FRS3: variants seen among roughly 807,000 people sequenced by gnomAD.
FRS3 encodes FGFR substrate 3.
FRS3 carries 17 observed loss-of-function variants against 41.9 expected under a neutral mutation model. The observed-to-expected ratio is 0.41, with a 90% confidence interval of 0.28 to 0.61. The LOEUF (loss-of-function observed/expected upper bound fraction) is 0.61, where lower values mean the gene tolerates loss of function less well. FRS3 is among the 20% of genes least tolerant of loss of function. The pLI is 0.36. For synonymous variants in FRS3, 287 were observed against 274.5 expected (o/e 1.05, Z -0.45); for missense variants, 619 against 672.1 (o/e 0.92, Z 0.87).
intron 1 of FRS3, among the ~76,000 whole-genome samples, chr6:41,778,951 T>C (rs1772466727): frequency 6.6e-6 from 1 of 152,140 alleles, no homozygotes; most frequent in African/African-American, 2.4e-5. Flanking sequence ...GGAGAAACAC[T>C]TCCCAGGGCC....
chr6:41,779,278 G>C (rs1030923295), intron 1 of FRS3, among the ~76,000 whole-genome samples: 2 of 151,980 alleles, frequency 1.3e-5, no homozygotes, highest in South Asian at 2.1e-4. Context: ...TCTGGTCTGG[G>C]ATAGGTATGG....
rs758518502 is a variant in FRS3, at chr6:41,771,237, G to A, written c.861C>T (p.Tyr287=). The A allele has an allele frequency of 2.5e-5, 40 of 1,590,948 alleles. No individual in the cohort carries two copies. Among genetic ancestry groups the A allele is most frequent in the South Asian group, 9.1e-5 (8 of 88,192 alleles). Reference sequence around the variant, plus strand: ...GCCACAGCCCCCCGGTGACGTTCTCGTAGGTGCACTTGGGCTGGGCTGGAC... The same window carrying A: ...GCCACAGCCCCCCGGTGACGTTCTCATAGGTGCACTTGGGCTGGGCTGGAC... The part of the protein sequence containing the change: ...SECPAQPKCT[Y]ENVTGGLWRG... The change falls in exon 7 of 7, where the codon TAC becomes TAT. Residue 287 remains tyrosine (Y), a synonymous_variant. Coordinates refer to ENST00000373018, the MANE Select transcript of FRS3 (RefSeq NM_006653.5).
chr6:41,779,630 G>A (rs1772487816), intron 1 of FRS3, among the ~76,000 whole-genome samples, 186 bp downstream of exon 1: 1 of 151,954 alleles, frequency 6.6e-6, no homozygotes, highest in Non-Finnish European at 1.5e-5. Flanking sequence ...CTACATGCCC[G>A]TAAGGAATGA....
At chr6:41,772,750 GT>G in intron 5 of FRS3, 47 bp downstream of exon 5, 1 of 1,268,198 alleles carries the variant, frequency 7.9e-7, no homozygotes, top group Non-Finnish European at 1.1e-6. Flanking sequence ...CTGGGCGTGT[GT>G]GTGTGTGTGT....
chr6:41,771,011 C>T lies in FRS3; in HGVS notation c.1087G>A (p.Gly363Ser). Residue 363 changes from glycine (G) to serine (S), a missense_variant, in exon 7 of 7, where the codon GGT (glycine) becomes AGT (serine). Gly to Ser is a moderately conservative substitution (Grantham distance 56, BLOSUM62 0). This residue lies in a region of FRS3 where 487 missense variants were observed against 478.3 expected (regional missense o/e 1.02). Coordinates refer to ENST00000373018, the MANE Select transcript of FRS3 (RefSeq NM_006653.5). The stretch of plus-strand genomic sequence containing the variant: ...TGCAGTGGGGTCTCGTCCTCCTCAC[C>T]ATCAGGGAAGCCATTGGAAGAGGGT... The part of the protein sequence containing the change: ...LTPSSNGFPD[G>S]EEDETPLQKP... 6.2e-7 allele frequency: 1 copy of T among 1,613,094 alleles called. No homozygotes were observed. The highest frequency in any genetic ancestry group is 8.5e-7 in the Non-Finnish European group (1 of 1,179,840).
rs778302302 is a variant in FRS3, at chr6:41,770,406, G to A, written c.*213C>T. 8.4e-6 allele frequency: 5 copies of A among 598,458 alleles called. No homozygotes were observed. Among genetic ancestry groups the A allele is most frequent in the South Asian group, 2.0e-5 (1 of 49,618 alleles). 37.1% of individuals were successfully genotyped at this position (598,458 alleles called of 1,614,324 possible). A position where few individuals can be genotyped will look rare whatever the true frequency, so the allele number is the denominator to read the frequency against. On this transcript the variant is annotated 3_prime_UTR_variant, in exon 7 of 7. Coordinates refer to ENST00000373018, the MANE Select transcript of FRS3 (RefSeq NM_006653.5). ...TGACGTCTCGGCTCCCTCCTCGCCT[G>A]GTCACCCTTCTCTCCCCAGCCTGGA...
At position 41,775,481 on chromosome 6, in the gene FRS3, C is replaced by T. The variant is rs1450903987; in HGVS notation, c.191G>A (p.Arg64His). ...AVRWPYLCLR[R>H]YGYDSNLFSF... ...GAAGAGGTTGGAGTCGTAGCCATAG[C>T]GCCGCAAGCAGAGATAAGGCCAGCG... The change falls in exon 4 of 7, where the codon CGC becomes CAC. Residue 64 changes from arginine to histidine, a missense_variant. By Grantham distance (29) the Arg-to-His change is conservative. Coordinates refer to ENST00000373018, the MANE Select transcript of FRS3 (RefSeq NM_006653.5). The T allele has an allele frequency of 3.1e-6, 5 of 1,613,820 alleles. No homozygotes were observed. Among genetic ancestry groups the T allele is most frequent in the Non-Finnish European group, 4.2e-6 (5 of 1,180,008 alleles).
At chr6:41,779,757 CGG>C (rs1461762501) in intron 1 of FRS3, 57 bp downstream of exon 1, 4 of 144,970 alleles carry the variant, frequency 2.8e-5, no homozygotes, top group African/African-American at 7.5e-5. Flanking sequence ...CGGCGCGGCG[CGG>C]CGCGGCGCGG....
intron 1 of FRS3, among the ~76,000 whole-genome samples, chr6:41,779,174 AT>A (rs1772473545): frequency 6.6e-6 from 1 of 152,030 alleles, no homozygotes; most frequent in African/African-American, 2.4e-5. Flanking sequence ...GAGGGGCTGA[AT>A]TTCCCTATCA....
In FRS3 at chr6:41,776,888, T is replaced by A. The variant is rs200800151; in HGVS notation, c.66+34A>T. ...TTGTGTCTGAGCCCAAGAGGCCATG[T>A]TGGGAACACAGGAGAGGAGAGGGCT... On this transcript the variant is annotated intron_variant, in intron 3 of 6. Transcript: ENST00000373018. 1.1e-5 allele frequency: 17 copies of A among 1,557,884 alleles called. No homozygotes were observed. The African/African-American group carries it at 2.3e-4, about 21-fold the overall frequency.
chr6:41,776,094 G>A lies in FRS3; in HGVS notation c.67-489C>T, dbSNP rs188783973. ...TGAGGGCTCCCTCTTCTGGTGGGCA[G>A]GAGAAACATGTGCTTCAACATGCCC... On this transcript the variant is annotated intron_variant, in intron 3 of 6. Coordinates refer to ENST00000373018, the MANE Select transcript of FRS3 (RefSeq NM_006653.5). Among the ~76,000 whole-genome samples the A allele has an allele frequency of 1.2e-4, 18 of 152,288 alleles. No individual in the cohort carries two copies. The East Asian group carries it at 2.9e-3, about 25-fold the overall frequency.
chr6:41,779,485 G>A (rs935542875), intron 1 of FRS3, among the ~76,000 whole-genome samples: 2 of 152,034 alleles, frequency 1.3e-5, no homozygotes, highest in East Asian at 1.9e-4. Flanking sequence ...GGGCATAGCA[G>A]GAGATTTGTT....
Position 41,771,469 on chromosome 6 carries a change from T to C in FRS3, c.629A>G (p.Gln210Arg), listed in dbSNP as rs754863883. ...DDHRRGRHCL[Q>R]PLPEGQAPFL... ...GGGTGCCTGACCCTCAGGCAGGGGC[T>C]GCAGGCAGTGGCGGCCCCTGCGGTG... The change falls in exon 7 of 7, where the codon CAG becomes CGG. Residue 210 changes from glutamine to arginine, a missense_variant. By Grantham distance (43) the Gln-to-Arg change is conservative. Around this residue, in one of 3 missense-constraint regions of FRS3, gnomAD observed 487 missense variants for 478.3 expected, o/e 1.02. Transcript: ENST00000373018. 34 of 1,598,202 alleles carry C rather than the reference T, an allele frequency of 2.1e-5. No individual in the cohort carries two copies. The highest frequency in any genetic ancestry group is 2.8e-5 in the Non-Finnish European group (33 of 1,171,582).
intron 3 of FRS3, chr6:41,776,591 T>C (rs1038522282): frequency 1.1e-5 from 3 of 273,504 alleles, no homozygotes; most frequent in Non-Finnish European, 2.1e-5. Context: ...ACTTTACGTA[T>C]ATTAACTCAC....
intron 1 of FRS3, 71 bp downstream of exon 1, chr6:41,779,740 TGCGGC>T (rs374159587): frequency 0.12 from 17,201 of 143,576 alleles, 1,184 homozygotes; most frequent in Middle Eastern, 0.21. Flanking sequence ...GAGTGGAGAC[TGCGGC>T]GCGGCGCGGC....
At chr6:41,775,689 T>G in intron 3 of FRS3, 84 bp from the exon 4 acceptor site, 1 of 1,008,576 alleles carries the variant, frequency 9.9e-7, no homozygotes, top group Non-Finnish European at 1.5e-6. Flanking sequence ...GACAATCTGA[T>G]GCAGGACAAG....
intron 3 of FRS3, 111 bp from the exon 4 acceptor site, chr6:41,775,716 G>T: frequency 1.3e-6 from 1 of 784,780 alleles, no homozygotes; most frequent in Non-Finnish European, 2.2e-6. Flanking sequence ...GGAACCAAAG[G>T]TCACATCCGA....
At chr6:41,779,151 G>A (rs1050175578) in intron 1 of FRS3, among the ~76,000 whole-genome samples, 3 of 151,682 alleles carry the variant, frequency 2.0e-5, no homozygotes, top group Non-Finnish European at 2.9e-5. Flanking sequence ...GAACTCTAGG[G>A]TGCAAGATGG....
At chr6:41,775,893 G>A (rs1291969152) in intron 3 of FRS3, among the ~76,000 whole-genome samples, 1 of 152,220 alleles carries the variant, frequency 6.6e-6, no homozygotes, top group Non-Finnish European at 1.5e-5. Flanking sequence ...GATAACAAAT[G>A]TTAGACGACC....
Sources: allele counts gnomAD v4.1 joint callset (sites outside exome capture counted in the v4.1 genomes callset), GRCh38; gene constraint gnomAD v4.1.1; regional missense constraint gnomAD v4.1.1; transcripts MANE v1.5; gene names NCBI Gene and HGNC (gene_info 2026-07-23, HGNC 2026-07-21).